The following LMNA variants were observed in gnomAD, a reference collection of about 807,000 sequenced individuals.
LMNA encodes the protein lamin A/C, also known as lamin.
In LMNA, 20 loss-of-function variants were observed where a neutral mutation model predicts 70.4. That is an observed-to-expected ratio of 0.28 (90% CI 0.20 to 0.41). The LOEUF is 0.41. Ranked by LOEUF, LMNA falls within the 10% of genes least tolerant of loss-of-function variation. LMNA has a pLI of 1.00. For missense variants in LMNA, 652 were observed against 917.2 expected (o/e 0.71, Z 3.73); for synonymous variants, 339 against 372.8 (o/e 0.91, Z 1.04).
In LMNA at chr1:156,139,130, G is replaced by C. The variant is rs745421199; in HGVS notation, c.*24G>C. On this transcript the variant is annotated 3_prime_UTR_variant, in exon 12 of 12. Transcript: ENST00000368300. ...AATCTGGGACCTGCCAGGCAGGGGT[G>C]GGGGTGGAGGCTTCCTGCGTCCTCC... 4 of 1,613,504 alleles carry C rather than the reference G, an allele frequency of 2.5e-6. No homozygotes were observed. Among genetic ancestry groups the C allele is most frequent in the African/African-American group, 1.3e-5 (1 of 74,892 alleles).
At chr1:156,102,534 CGA>C (rs2102800392) in intron 3 of LMNA, among the ~76,000 whole-genome samples, 1 of 152,276 alleles carries the variant, frequency 6.6e-6, no homozygotes, top group South Asian at 2.1e-4. Flanking sequence ...TCTCCACCCT[CGA>C]GAGAGCTGAA....
At position 156,136,760 on chromosome 1, in the gene LMNA, T is replaced by C; in HGVS notation, c.1381-161T>C. ...CTGGTGCTGCGTATGTGTCCACAGATCATGGCTATTATCCCCGGGGGAAGG... is the reference window on the plus strand; with the variant it reads ...CTGGTGCTGCGTATGTGTCCACAGACCATGGCTATTATCCCCGGGGGAAGG... On this transcript the variant is annotated intron_variant, in intron 7 of 11. Transcript: ENST00000368300. The surrounding 1 kb of genome is among the most constrained non-coding windows in gnomAD (Gnocchi z 6.1). The C allele has an allele frequency of 1.4e-6, 1 of 722,636 alleles. No individual in the cohort carries two copies. Among genetic ancestry groups the C allele is most frequent in the Non-Finnish European group, 2.5e-6 (1 of 403,844 alleles). The allele number at this position is 722,636 out of a possible 1,614,324, so 44.8% of individuals were successfully genotyped here.
At chr1:156,092,765 AGT>A (rs1171583136) in intron 3 of LMNA, among the ~76,000 whole-genome samples, 2 of 151,252 alleles carry the variant, frequency 1.3e-5, no homozygotes, top group African/African-American at 4.9e-5. Context: ...CACACTCCTT[AGT>A]GTGGTGATGA....
At chr1:156,124,877 C>T (rs1478003943) in intron 1 of LMNA, among the ~76,000 whole-genome samples, 1 of 152,200 alleles carries the variant, frequency 6.6e-6, no homozygotes, top group Non-Finnish European at 1.5e-5. Flanking sequence ...GCAAGCGAGA[C>T]AGAGGCAGAC....
At chr1:156,122,604 G>A (rs748712006) in intron 1 of LMNA, among the ~76,000 whole-genome samples, 8 of 152,190 alleles carry the variant, frequency 5.3e-5, no homozygotes, top group African/African-American at 1.4e-4. Context: ...ACTCGTTTTC[G>A]ATGCCTCTCC....
chr1:156,114,857 C>G lies in LMNA; in HGVS notation c.-62C>G. The G allele has an allele frequency of 1.6e-6, 2 of 1,212,656 alleles. No individual in the cohort carries two copies. The highest frequency in any genetic ancestry group is 2.3e-6 in the Non-Finnish European group (2 of 882,890). The allele number at this position is 1,212,656 out of a possible 1,614,324, so 75.1% of individuals were successfully genotyped here. A position where few individuals can be genotyped will look rare whatever the true frequency, so the allele number is the denominator to read the frequency against. On this transcript the variant is annotated 5_prime_UTR_variant, in exon 1 of 12. Coordinates refer to ENST00000368300, the MANE Select transcript of LMNA (RefSeq NM_170707.4). ...ACTCCGAGCAGTCTCTGTCCTTCGA[C>G]CCGAGCCCCGCGCCCTTTCCGGGAC... is the stretch of plus-strand genomic sequence containing the variant.
chr1:156,083,579 G>A (rs1040779082), intron 2 of LMNA: 1 of 152,298 alleles, frequency 6.6e-6, no homozygotes, highest in Non-Finnish European at 1.5e-5. Context: ...GAGGCGGGTG[G>A]ATCACCTGAG....
chr1:156,130,782 A>T lies in LMNA; in HGVS notation c.513+9A>T. ...GGGGCCAGGTGGCCAAGGTGAGGCC[A>T]CCCTGCAGGGCCCACCCATGGCCCC... On this transcript the variant is annotated intron_variant, in intron 2 of 11. Coordinates refer to ENST00000368300, the MANE Select transcript of LMNA (RefSeq NM_170707.4). 6.4e-7 allele frequency: 1 copy of T among 1,568,258 alleles called. No homozygotes were observed. Among genetic ancestry groups the T allele is most frequent in the Non-Finnish European group, 8.6e-7 (1 of 1,156,806 alleles).
intron 2 of LMNA, among the ~76,000 whole-genome samples, chr1:156,084,229 G>T (rs1648385241): frequency 6.6e-6 from 1 of 151,388 alleles, no homozygotes; most frequent in Non-Finnish European, 1.5e-5. Context: ...GGCCTTGAGG[G>T]CTGAGCTGTT....
intron 2 of LMNA, 138 bp downstream of exon 2, chr1:156,130,911 T>C: frequency 1.2e-6 from 1 of 803,516 alleles, no homozygotes; most frequent in South Asian, 1.7e-5. Context: ...CCTAGAGTCA[T>C]TTTACCCACT....
At position 156,087,304 on chromosome 1, in the gene LMNA, C is replaced by T. The variant is rs565272816; in HGVS notation, c.-318-3167C>T. Among the ~76,000 whole-genome samples the T allele has an allele frequency of 2.5e-4, 38 of 150,776 alleles. No individual in the cohort carries two copies. In the East Asian group the frequency reaches 2.7e-3, roughly 11 times the overall value. On this transcript the variant is annotated intron_variant, in intron 2 of 12. Transcript: ENST00000368301. The stretch of plus-strand genomic sequence containing the variant: ...TGTCACCCAGGCTGGAGTGCAGTGG[C>T]GCCATCTCGGCTCACTGCAACCTCC...
intron 3 of LMNA, among the ~76,000 whole-genome samples, chr1:156,107,525 G>A (rs950138139): frequency 2.6e-4 from 40 of 152,188 alleles, no homozygotes; most frequent in African/African-American, 9.7e-4. Context: ...TGGGCTGGGG[G>A]GATCAACCAG....
intron 3 of LMNA, among the ~76,000 whole-genome samples, chr1:156,099,702 C>A (rs184192872): frequency 6.6e-6 from 1 of 151,596 alleles, no homozygotes; most frequent in African/African-American, 2.4e-5. Flanking sequence ...GCCAACATGG[C>A]GAAAACCCTA....
chr1:156,137,896 TC>T lies in LMNA; in HGVS notation c.1698+156del. The T allele has an allele frequency of 6.8e-7, 1 of 1,480,682 alleles. No individual in the cohort carries two copies. Among genetic ancestry groups the T allele is most frequent in the Admixed American group, 2.1e-5 (1 of 48,070 alleles). The allele number at this position is 1,480,682 out of a possible 1,614,324, so 91.7% of individuals were successfully genotyped here. On this transcript the variant is annotated intron_variant, in intron 10 of 11. Coordinates refer to ENST00000368300, the MANE Select transcript of LMNA (RefSeq NM_170707.4). The surrounding 1 kb of genome is among the most constrained non-coding windows in gnomAD (Gnocchi z 4.6). ...CTGGCCTGGCCTTTCTTCTCTCTCC[TC>T]CCTATACCTTGAACAGGGAACCCAG... is the stretch of plus-strand genomic sequence containing the variant.
At chr1:156,132,232 G>A (rs1022021352) in intron 2 of LMNA, among the ~76,000 whole-genome samples, 4 of 152,132 alleles carry the variant, frequency 2.6e-5, no homozygotes, top group Non-Finnish European at 4.4e-5. Context: ...CACTTTGGGA[G>A]GCAGAGGTGG....
At chr1:156,128,188 T>C (rs1650758087) in intron 1 of LMNA, among the ~76,000 whole-genome samples, 1 of 152,172 alleles carries the variant, frequency 6.6e-6, no homozygotes, top group Non-Finnish European at 1.5e-5. Context: ...AGAGCAGTGC[T>C]TGGTACCTAA....
At chr1:156,126,583 C>A (rs1223220092) in intron 1 of LMNA, 3 of 835,320 alleles carry the variant, frequency 3.6e-6, no homozygotes, top group African/African-American at 3.3e-5. Flanking sequence ...GGGCCTGCTG[C>A]AGCTGGGGAG....
Position 156,114,876 on chromosome 1 carries a change from C to T in LMNA, c.-43C>T, listed in dbSNP as rs1378820441. 7.1e-7 allele frequency: 1 copy of T among 1,407,464 alleles called. No homozygotes were observed. 87.2% of individuals were successfully genotyped at this position (1,407,464 alleles called of 1,614,324 possible). A position where few individuals can be genotyped will look rare whatever the true frequency, so the allele number is the denominator to read the frequency against. On this transcript the variant is annotated 5_prime_UTR_variant, in exon 1 of 12. Coordinates refer to ENST00000368300, the MANE Select transcript of LMNA (RefSeq NM_170707.4). ...CTTCGACCCGAGCCCCGCGCCCTTT[C>T]CGGGACCCCTGCCCCGCGGGCAGCG...
At position 156,135,843 on chromosome 1, in the gene LMNA, C is replaced by A; in HGVS notation, c.937-58C>A. 7.4e-6 allele frequency: 11 copies of A among 1,489,160 alleles called. No individual in the cohort carries two copies. The highest frequency in any genetic ancestry group is 1.0e-5 in the Non-Finnish European group (11 of 1,075,514). 92.2% of individuals were successfully genotyped at this position (1,489,160 alleles called of 1,614,324 possible). A position where few individuals can be genotyped will look rare whatever the true frequency, so the allele number is the denominator to read the frequency against. On this transcript the variant is annotated intron_variant, in intron 5 of 11. Transcript: ENST00000368300. This position sits in a 1 kb window ranked among gnomAD's most constrained non-coding sequence, Gnocchi z 4.8. ...GTGTCTCCTACACCGACCCACGTCC[C>A]TCCTTCCCCATACTTAGGGCCCTTG...
Sources: gnomAD v4.1 joint callset for allele counts (sites outside exome capture counted in the v4.1 genomes callset) on GRCh38, gnomAD v4.1.1 for gene constraint, Gnocchi (gnomAD v3.1) non-coding constraint, MANE v1.5 for transcripts, NCBI Gene and HGNC (gene_info 2026-07-23, HGNC 2026-07-21) for gene names.